Variants in SSH1 observed in about 807,000 individuals in gnomAD.
The protein encoded by SSH1 is slingshot protein phosphatase 1.
Under a neutral mutation model 79.7 loss-of-function variants are expected in SSH1, and 43 were observed. That is an observed-to-expected ratio of 0.54 (90% CI 0.42 to 0.70). The LOEUF is 0.70. Ranked by LOEUF, SSH1 falls within the 30% of genes least tolerant of loss-of-function variation. The pLI, the probability that SSH1 is intolerant of heterozygous loss-of-function variation, is 0.00. For synonymous variants in SSH1, 599 were observed against 538.3 expected, an observed-to-expected ratio of 1.11 and a Z score of -1.56; for missense variants, 1,206 against 1,358.8, an observed-to-expected ratio of 0.89 and a Z score of 1.77.
chr12:108,829,444 T>C (rs1456528372), intron 2 of SSH1, among the ~76,000 whole-genome samples: 1 of 152,162 alleles, frequency 6.6e-6, no homozygotes, highest in African/African-American at 2.4e-5. Flanking sequence ...ACCCCTAGAA[T>C]TCCTTACAGG....
At chr12:108,838,434 G>A (rs1019212557) in intron 2 of SSH1, among the ~76,000 whole-genome samples, 2 of 152,224 alleles carry the variant, frequency 1.3e-5, no homozygotes, top group South Asian at 2.1e-4. Flanking sequence ...TCTGGACCAC[G>A]TAAGATCTAA....
In SSH1 at chr12:108,824,402, C is replaced by T. The variant is rs118092939; in HGVS notation, c.111-1041G>A. The stretch of plus-strand genomic sequence containing the variant: ...GACGGAGGTTGGAGTGAGCCAAGAT[C>T]GCACCACGCACCACTGCACTCCAGC... On this transcript the variant is annotated intron_variant, in intron 2 of 14. Transcript: ENST00000326495. Among the ~76,000 whole-genome samples, 348 of 151,552 alleles carry T rather than the reference C, an allele frequency of 2.3e-3. 15 individuals carry two copies. The East Asian group carries it at 0.065, about 28-fold the overall frequency.
In SSH1 at chr12:108,782,176, C is replaced by T. The variant is rs1201938088; in HGVS notation, c.*5812G>A. The T allele has an allele frequency of 6.6e-6, 1 of 151,056 alleles. No individual in the cohort carries two copies. Among genetic ancestry groups the T allele is most frequent in the African/African-American group, 2.4e-5 (1 of 41,082 alleles). 9.4% of individuals were successfully genotyped at this position (151,056 alleles called of 1,614,324 possible). A position where few individuals can be genotyped will look rare whatever the true frequency, so the allele number is the denominator to read the frequency against. The stretch of plus-strand genomic sequence containing the variant: ...ATTAAAAAAAAAAAAATGGAAGCAG[C>T]TCTGCCTCCTGAGTGTCCAAGGGAG... On this transcript the variant is annotated 3_prime_UTR_variant, in exon 15 of 15. Transcript: ENST00000326495.
At position 108,784,704 on chromosome 12, in the gene SSH1, G is replaced by A. The variant is rs1200746205; in HGVS notation, c.*3284C>T. 6.6e-6 allele frequency: 1 copy of A among 152,160 alleles called. No individual in the cohort carries two copies. The highest frequency in any genetic ancestry group is 1.9e-4 in the East Asian group (1 of 5,194). The allele number at this position is 152,160 out of a possible 1,614,324, so 9.4% of individuals were successfully genotyped here. A position where few individuals can be genotyped will look rare whatever the true frequency, so the allele number is the denominator to read the frequency against. On this transcript the variant is annotated 3_prime_UTR_variant, in exon 15 of 15. Coordinates refer to ENST00000326495, the MANE Select transcript of SSH1 (RefSeq NM_018984.4). Reference sequence around the variant, plus strand: ...CCCCTTATACTTAGCAAGACTTAAAGAGAAGACTTTCCTGTATCAATGCAA... The same window carrying A: ...CCCCTTATACTTAGCAAGACTTAAAAAGAAGACTTTCCTGTATCAATGCAA...
At chr12:108,798,923 G>A (rs764538589) in intron 13 of SSH1, 77 bp downstream of exon 13, 77 of 1,543,184 alleles carry the variant, frequency 5.0e-5, no homozygotes, top group Non-Finnish European at 6.4e-5. Context: ...CTCTGCTGCC[G>A]ACAGAGGCCT....
At chr12:108,849,311 G>A (rs1038969914) in intron 2 of SSH1, among the ~76,000 whole-genome samples, 2 of 152,220 alleles carry the variant, frequency 1.3e-5, no homozygotes, top group Non-Finnish European at 2.9e-5. Context: ...CCAGCACTTT[G>A]GGAGGCTGAG....
intron 12 of SSH1, among the ~76,000 whole-genome samples, chr12:108,799,852 T>C (rs563954328): frequency 5.2e-4 from 79 of 152,350 alleles, no homozygotes; most frequent in Middle Eastern, 6.8e-3. Flanking sequence ...ACAGTGTTTC[T>C]TTAAGTATCA....
chr12:108,789,265 G>C (rs764719146), intron 14 of SSH1, 21 bp from the exon 15 acceptor site: 1 of 1,580,266 alleles, frequency 6.3e-7, no homozygotes. Flanking sequence ...GGGGACAAGA[G>C]CATGGTGAGA....
chr12:108,804,567 G>C (rs902391152), intron 10 of SSH1, among the ~76,000 whole-genome samples: 1 of 152,224 alleles, frequency 6.6e-6, no homozygotes, highest in South Asian at 2.1e-4. Context: ...GCATGGAAAA[G>C]CTGTCTGGAC....
At chr12:108,840,539 G>GAA (rs968665966) in intron 2 of SSH1, among the ~76,000 whole-genome samples, 1 of 139,260 alleles carries the variant, frequency 7.2e-6, no homozygotes, top group Non-Finnish European at 1.6e-5. Flanking sequence ...TCAAAAAAAA[G>GAA]AAAAAAAAAA....
At chr12:108,825,788 G>C (rs557247239) in intron 2 of SSH1, among the ~76,000 whole-genome samples, 2 of 152,234 alleles carry the variant, frequency 1.3e-5, no homozygotes, top group South Asian at 4.1e-4. Flanking sequence ...TCACTCATAG[G>C]AAGTAAAAAG....
At chr12:108,799,585 C>T (rs1235022584) in intron 12 of SSH1, among the ~76,000 whole-genome samples, 2 of 152,134 alleles carry the variant, frequency 1.3e-5, no homozygotes, top group South Asian at 2.1e-4. Flanking sequence ...GGGCAGCTAA[C>T]GGGATTTCTG....
At position 108,782,936 on chromosome 12, in the gene SSH1, T is replaced by C. The variant is rs370707443; in HGVS notation, c.*5052A>G. ...AGCTTCTGGAAAACCAAACAACTCA[T>C]GGTGTGGAGCTCCTGATTGGGGAAG... On this transcript the variant is annotated 3_prime_UTR_variant, in exon 15 of 15. Coordinates refer to ENST00000326495, the MANE Select transcript of SSH1 (RefSeq NM_018984.4). 9.8e-5 allele frequency: 15 copies of C among 152,332 alleles called. No individual in the cohort carries two copies. The highest frequency in any genetic ancestry group is 2.9e-4 in the African/African-American group (12 of 41,566). 9.4% of individuals were successfully genotyped at this position (152,332 alleles called of 1,614,324 possible).
At position 108,857,476 on chromosome 12, in the gene SSH1, C is replaced by G; in HGVS notation, c.21G>C (p.Gln7His). The G allele has an allele frequency of 8.8e-7, 1 of 1,140,834 alleles. No individual in the cohort carries two copies. Among genetic ancestry groups the G allele is most frequent in the Non-Finnish European group, 1.1e-6 (1 of 909,626 alleles). The allele number at this position is 1,140,834 out of a possible 1,614,324, so 70.7% of individuals were successfully genotyped here. The change falls in exon 1 of 15, where the codon CAG becomes CAC. Residue 7 changes from glutamine (Q) to histidine (H), a missense_variant. Coordinates refer to ENST00000326495, the MANE Select transcript of SSH1 (RefSeq NM_018984.4). This position sits in a 1 kb window ranked among gnomAD's most constrained non-coding sequence, Gnocchi z 4.7. MALVTL[Q>H]RSPTPSAASS... Reference sequence around the variant, plus strand: ...AGGCGGCGCTGGGCGTGGGCGAGCGCTGCAGGGTCACCAGGGCCATGGCTG... The same window carrying G: ...AGGCGGCGCTGGGCGTGGGCGAGCGGTGCAGGGTCACCAGGGCCATGGCTG...
At chr12:108,822,922 C>T (rs1453437107) in intron 3 of SSH1, among the ~76,000 whole-genome samples, 1 of 152,224 alleles carries the variant, frequency 6.6e-6, no homozygotes, top group African/African-American at 2.4e-5. Context: ...AAGTGGACGA[C>T]ATCTGGCTAT....
At chr12:108,813,391 G>A (rs1334908777) in intron 5 of SSH1, among the ~76,000 whole-genome samples, 1 of 151,924 alleles carries the variant, frequency 6.6e-6, no homozygotes, top group African/African-American at 2.4e-5. Context: ...TACACTCATG[G>A]CATTCAAAAT....
intron 1 of SSH1, among the ~76,000 whole-genome samples, chr12:108,854,067 C>T (rs1441877995): frequency 6.6e-6 from 1 of 152,188 alleles, no homozygotes; most frequent in Admixed American, 6.5e-5. Flanking sequence ...GACCACAAAA[C>T]AAGTCACAAG....
At chr12:108,852,137 A>G (rs1272795733) in intron 2 of SSH1, among the ~76,000 whole-genome samples, 1 of 152,130 alleles carries the variant, frequency 6.6e-6, no homozygotes, top group Non-Finnish European at 1.5e-5. Context: ...CAAGCGTTAT[A>G]TAATATTATT....
At chr12:108,842,317 C>T (rs997255692) in intron 2 of SSH1, among the ~76,000 whole-genome samples, 7 of 152,198 alleles carry the variant, frequency 4.6e-5, no homozygotes, top group Non-Finnish European at 1.0e-4. Context: ...AGGCCACTAC[C>T]TACAAGGCCA....
Sources: allele counts gnomAD v4.1 joint callset (sites outside exome capture counted in the v4.1 genomes callset), GRCh38; gene constraint gnomAD v4.1.1; non-coding constraint Gnocchi (gnomAD v3.1); transcripts MANE v1.5; gene names NCBI Gene and HGNC (gene_info 2026-07-23, HGNC 2026-07-21).